HMCN1: variants seen among roughly 807,000 people sequenced by gnomAD.
HMCN1 encodes hemicentin 1, also known as hemicentin-1.
A neutral mutation model predicts 625.9 loss-of-function variants in HMCN1; 321 were observed. The ratio of observed to expected loss-of-function variants is 0.51; its 90% confidence interval spans 0.47 to 0.56. The LOEUF (loss-of-function observed/expected upper bound fraction) is 0.56, where lower values mean the gene tolerates loss of function less well. HMCN1 is among the 20% of genes least tolerant of loss of function. The probability of loss-of-function intolerance (pLI) is 0.00; values close to 1 mark genes in which losing one functional copy is unlikely to be tolerated. For missense variants in HMCN1, 6,588 were observed against 6,887.3 expected (o/e 0.96, Z 1.54); for synonymous variants, 2,425 against 2,417.6 (o/e 1.00, Z -0.09).
At chr1:185,992,611 A>G (rs912441502) in intron 22 of HMCN1, among the ~76,000 whole-genome samples, 21 of 151,620 alleles carry the variant, frequency 1.4e-4, no homozygotes, top group African/African-American at 4.1e-4. Flanking sequence ...GTCCTTAACT[A>G]TTTATTCATT....
chr1:186,099,503 A>G (rs1009185096), intron 68 of HMCN1, among the ~76,000 whole-genome samples: 7 of 152,124 alleles, frequency 4.6e-5, no homozygotes, highest in Non-Finnish European at 1.0e-4. Flanking sequence ...AACTATAATT[A>G]TGAACATGTG....
chr1:186,184,102 C>T (rs143955214), intron 105 of HMCN1, among the ~76,000 whole-genome samples: 5 of 152,254 alleles, frequency 3.3e-5, no homozygotes, highest in African/African-American at 4.8e-5. Flanking sequence ...TAGTTCAAAA[C>T]GTTCTTCAGC....
At chr1:186,175,039 G>C (rs1210899039) in intron 103 of HMCN1, among the ~76,000 whole-genome samples, 2 of 152,174 alleles carry the variant, frequency 1.3e-5, no homozygotes, top group African/African-American at 4.8e-5. Flanking sequence ...AAGTTTAGGT[G>C]TGAGGTATTA....
chr1:185,792,871 A>T (rs1053609302), intron 1 of HMCN1, among the ~76,000 whole-genome samples: 2 of 152,246 alleles, frequency 1.3e-5, no homozygotes, highest in African/African-American at 4.8e-5. Context: ...AAGGGATTTT[A>T]AAAATGGGTG....
intron 97 of HMCN1, among the ~76,000 whole-genome samples, chr1:186,164,144 C>G (rs370615402): frequency 1.3e-5 from 2 of 152,154 alleles, no homozygotes; most frequent in East Asian, 1.9e-4. Flanking sequence ...GTACCACCCC[C>G]CTGCATGAGC....
intron 11 of HMCN1, among the ~76,000 whole-genome samples, chr1:185,938,566 C>G (rs1330813781): frequency 6.6e-6 from 1 of 152,104 alleles, no homozygotes; most frequent in Admixed American, 6.5e-5. Flanking sequence ...CCCTAGATCT[C>G]ATGACCCACA....
At chr1:185,906,655 G>T (rs957020719) in intron 4 of HMCN1, among the ~76,000 whole-genome samples, 3 of 151,728 alleles carry the variant, frequency 2.0e-5, no homozygotes, top group Admixed American at 6.6e-5. Flanking sequence ...TTTAATGAAG[G>T]ATGTATGTAA....
At chr1:185,995,318 A>G (rs1309958205) in intron 24 of HMCN1, among the ~76,000 whole-genome samples, 1 of 152,098 alleles carries the variant, frequency 6.6e-6, no homozygotes, top group African/African-American at 2.4e-5. Context: ...GCCATGGATC[A>G]TGTAGAAAAC....
At chr1:186,074,648 T>C in intron 52 of HMCN1, 93 bp from the exon 53 acceptor site, 1 of 1,100,778 alleles carries the variant, frequency 9.1e-7, no homozygotes, top group Non-Finnish European at 1.4e-6. Flanking sequence ...TTATTTTCAT[T>C]TATTTAAAAA....
At chr1:186,132,278 C>A in intron 85 of HMCN1, 50 bp from the exon 86 acceptor site, 2 of 1,308,682 alleles carry the variant, frequency 1.5e-6, no homozygotes, top group Non-Finnish European at 2.2e-6. Context: ...AAAGTGATTG[C>A]CCTGCTCTGT....
intron 68 of HMCN1, among the ~76,000 whole-genome samples, chr1:186,097,875 A>G (rs1660206497): frequency 6.6e-6 from 1 of 152,162 alleles, no homozygotes; most frequent in Non-Finnish European, 1.5e-5. Context: ...TGAACAGAAT[A>G]AGGAGCTCAG....
intron 30 of HMCN1, among the ~76,000 whole-genome samples, chr1:186,009,230 T>C (rs776921603): frequency 1.2e-4 from 19 of 152,188 alleles, no homozygotes; most frequent in Middle Eastern, 3.2e-3. Context: ...ATAAGACTCT[T>C]ATTTCCATGG....
rs376450536 is a variant in HMCN1 at position 186,040,978 on chromosome 1, A to G, written c.6181-35A>G. On this transcript the variant is annotated intron_variant, in intron 39 of 106. Coordinates refer to ENST00000271588, the MANE Select transcript of HMCN1 (RefSeq NM_031935.3). ...TCTATTACACCTACCATTCTCAGAG[A>G]CATATTGGTTATTTAGCGTTCTTAC... The G allele has an allele frequency of 9.3e-6, 15 of 1,608,922 alleles. No individual in the cohort carries two copies. In the African/African-American group the frequency reaches 2.0e-4, roughly 21 times the overall value.
At chr1:186,162,684 A>G (rs2102610312) in intron 97 of HMCN1, among the ~76,000 whole-genome samples, 1 of 152,196 alleles carries the variant, frequency 6.6e-6, no homozygotes, top group Non-Finnish European at 1.5e-5. Context: ...TCCACTCCAG[A>G]CCCTGTTTGC....
At chr1:185,788,468 G>A (rs17446906) in intron 1 of HMCN1, among the ~76,000 whole-genome samples, 35,004 of 152,190 alleles carry the variant, frequency 0.23, 4,409 homozygotes, top group Non-Finnish European at 0.28. Flanking sequence ...ACAGATAAAT[G>A]CAGAGATCAG....
chr1:185,941,653 A>T (rs1008062159), intron 11 of HMCN1, among the ~76,000 whole-genome samples: 1 of 152,210 alleles, frequency 6.6e-6, no homozygotes, highest in Non-Finnish European at 1.5e-5. Flanking sequence ...TACTGTCTCC[A>T]TGGTTAGAGG....
intron 91 of HMCN1, among the ~76,000 whole-genome samples, chr1:186,145,123 A>G (rs1403168943): frequency 6.6e-6 from 1 of 152,244 alleles, no homozygotes; most frequent in Non-Finnish European, 1.5e-5. Flanking sequence ...TCAAAAGCAG[A>G]GGTCCTGTCT....
rs531338124 is a variant in HMCN1 at position 185,825,169 on chromosome 1, A to T, written c.269-20857A>T. Among the ~76,000 whole-genome samples the T allele has an allele frequency of 9.2e-4, 140 of 152,266 alleles. 1 individual carries two copies. The highest frequency in any genetic ancestry group is 3.4e-3 in the Middle Eastern group (1 of 294). On this transcript the variant is annotated intron_variant, in intron 1 of 106. Coordinates refer to ENST00000271588, the MANE Select transcript of HMCN1 (RefSeq NM_031935.3). ...TTTACACAGATATTAGCCAAACAGA[A>T]ACGCTGAGGAGGGGTACTTCCAAGT... is the stretch of plus-strand genomic sequence containing the variant.
At chr1:185,937,445 G>A (rs540653560) in intron 11 of HMCN1, among the ~76,000 whole-genome samples, 1 of 152,296 alleles carries the variant, frequency 6.6e-6, no homozygotes, top group South Asian at 2.1e-4. Flanking sequence ...ATGTTTTCAT[G>A]TGGACAGAGA....
Sources: allele counts gnomAD v4.1 joint callset (sites outside exome capture counted in the v4.1 genomes callset), GRCh38; gene constraint gnomAD v4.1.1; transcripts MANE v1.5; gene names NCBI Gene and HGNC (gene_info 2026-07-23, HGNC 2026-07-21).